The following CTNNA3 variants were observed in gnomAD, a reference collection of about 807,000 sequenced individuals.
CTNNA3 encodes catenin alpha 3, also known as catenin alpha-3.
CTNNA3 carries 76 observed loss-of-function variants against 95.7 expected under a neutral mutation model. That is an observed-to-expected ratio of 0.79 (90% confidence interval 0.66 to 0.96). The LOEUF is 0.96. Among genes scored for constraint, CTNNA3 ranks in the 40% least tolerant of loss-of-function variants. The probability of loss-of-function intolerance (pLI) is 0.00; values close to 1 mark genes in which losing one functional copy is unlikely to be tolerated. For synonymous variants in CTNNA3, 431 were observed against 374.4 expected (o/e 1.15, Z -1.74); for missense variants, 1,191 against 1,089.8 (o/e 1.09, Z -1.31).
chr10:67,330,579 G>A (rs945334911), intron 5 of CTNNA3, among the ~76,000 whole-genome samples: 9 of 152,026 alleles, frequency 5.9e-5, no homozygotes, highest in African/African-American at 2.2e-4. Flanking sequence ...TCCTACACAG[G>A]ATCATGGGAG....
At chr10:66,720,558 C>G (rs1405641218) in intron 9 of CTNNA3, among the ~76,000 whole-genome samples, 1 of 152,162 alleles carries the variant, frequency 6.6e-6, no homozygotes, top group African/African-American at 2.4e-5. Context: ...CTAGGCCAGG[C>G]ACAGTGGCTC....
At chr10:67,500,180 T>C (rs1403350738) in intron 5 of CTNNA3, among the ~76,000 whole-genome samples, 3 of 152,250 alleles carry the variant, frequency 2.0e-5, no homozygotes, top group African/African-American at 4.8e-5. Flanking sequence ...TGCCTTACTT[T>C]GGTTATTTAC....
chr10:67,740,018 T>C (rs1192740039), intron 1 of CTNNA3, among the ~76,000 whole-genome samples: 1 of 152,114 alleles, frequency 6.6e-6, no homozygotes, highest in East Asian at 1.9e-4. Context: ...TCTACAACTA[T>C]CTGATCTTTG....
chr10:67,561,875 A>T (rs539326075), intron 3 of CTNNA3, among the ~76,000 whole-genome samples: 2 of 152,222 alleles, frequency 1.3e-5, no homozygotes, highest in Non-Finnish European at 2.9e-5. Context: ...ACACAAATAA[A>T]CTAGAAAATC....
chr10:66,126,192 G>T (rs1403362209), intron 13 of CTNNA3, among the ~76,000 whole-genome samples: 3 of 152,152 alleles, frequency 2.0e-5, no homozygotes, highest in African/African-American at 7.2e-5. Context: ...TAAGCAATAT[G>T]CTGCACTTGA....
intron 7 of CTNNA3, among the ~76,000 whole-genome samples, chr10:67,158,398 A>T (rs1014390396): frequency 6.6e-6 from 1 of 152,152 alleles, no homozygotes; most frequent in African/African-American, 2.4e-5. Flanking sequence ...TCACTAATAA[A>T]ACCGGTCAAG....
At chr10:66,490,876 A>G (rs1002573255) in intron 11 of CTNNA3, among the ~76,000 whole-genome samples, 1 of 152,282 alleles carries the variant, frequency 6.6e-6, no homozygotes, top group African/African-American at 2.4e-5. Context: ...CTGACCTCCA[A>G]TGAACAACGA....
intron 14 of CTNNA3, 79 bp downstream of exon 14, chr10:66,103,078 G>A (rs1397056546): frequency 8.7e-7 from 1 of 1,152,956 alleles, no homozygotes; most frequent in African/African-American, 1.5e-5. Flanking sequence ...ACCCATTAGA[G>A]GCTGCCTAGA....
intron 12 of CTNNA3, among the ~76,000 whole-genome samples, chr10:66,376,144 G>C (rs769678233): frequency 6.6e-6 from 1 of 152,070 alleles, no homozygotes; most frequent in South Asian, 2.1e-4. Context: ...TCTTATGTCC[G>C]TCCACTTCCA....
At chr10:66,740,436 T>C (rs1849291778) in intron 9 of CTNNA3, among the ~76,000 whole-genome samples, 1 of 152,224 alleles carries the variant, frequency 6.6e-6, no homozygotes, top group Non-Finnish European at 1.5e-5. Flanking sequence ...TACCTTTATG[T>C]GATTACACTG....
At chr10:67,416,909 A>G (rs1845566329) in intron 5 of CTNNA3, among the ~76,000 whole-genome samples, 1 of 152,156 alleles carries the variant, frequency 6.6e-6, no homozygotes, top group Non-Finnish European at 1.5e-5. Flanking sequence ...AATTTAAAAC[A>G]TAGCTACCAT....
intron 15 of CTNNA3, among the ~76,000 whole-genome samples, chr10:66,061,439 T>C (rs1357611332): frequency 6.6e-6 from 1 of 152,094 alleles, no homozygotes; most frequent in Middle Eastern, 3.2e-3. Flanking sequence ...ATTATGAGTC[T>C]CCAACTGTGG....
At chr10:67,150,330 A>C (rs1861033461) in intron 7 of CTNNA3, among the ~76,000 whole-genome samples, 1 of 152,184 alleles carries the variant, frequency 6.6e-6, no homozygotes, top group African/African-American at 2.4e-5. Context: ...TATACTTAAG[A>C]CATATGCTGT....
chr10:66,605,942 T>C (rs992444490), intron 10 of CTNNA3, among the ~76,000 whole-genome samples: 4 of 152,086 alleles, frequency 2.6e-5, no homozygotes, highest in Admixed American at 6.5e-5. Flanking sequence ...CAGGATCGAA[T>C]CCACACATAC....
At chr10:67,661,271 G>A (rs1333504895) in intron 1 of CTNNA3, among the ~76,000 whole-genome samples, 1 of 140,898 alleles carries the variant, frequency 7.1e-6, no homozygotes, top group Admixed American at 7.1e-5. Context: ...GAAAAGGAAG[G>A]AAGAAAGAGA....
At chr10:66,533,023 CT>C (rs1841525600) in intron 10 of CTNNA3, among the ~76,000 whole-genome samples, 3 of 152,248 alleles carry the variant, frequency 2.0e-5, no homozygotes, top group African/African-American at 7.2e-5. Flanking sequence ...ACTGAGGTAG[CT>C]TTAGTTCTGT....
At chr10:67,197,098 T>C (rs560917898) in intron 6 of CTNNA3, among the ~76,000 whole-genome samples, 4 of 152,260 alleles carry the variant, frequency 2.6e-5, no homozygotes, top group Admixed American at 6.5e-5. Context: ...ATATTAAATC[T>C]TAATTTCTCA....
At chr10:66,693,487 C>T (rs1847638428) in intron 9 of CTNNA3, among the ~76,000 whole-genome samples, 1 of 151,308 alleles carries the variant, frequency 6.6e-6, no homozygotes, top group African/African-American at 2.4e-5. Flanking sequence ...TACAACGAGA[C>T]TTAGACTCCC....
At chr10:66,693,407 C>CT in intron 9 of CTNNA3, among the ~76,000 whole-genome samples, 1 of 148,718 alleles carries the variant, frequency 6.7e-6, no homozygotes, top group Non-Finnish European at 1.5e-5. Flanking sequence ...ACAAGAAGAG[C>CT]TAACTATCCT....
Sources: allele counts gnomAD v4.1 joint callset (sites outside exome capture counted in the v4.1 genomes callset), GRCh38; gene constraint gnomAD v4.1.1; transcripts MANE v1.5; gene names NCBI Gene and HGNC (gene_info 2026-07-23, HGNC 2026-07-21).